Variants in SH2D4B observed in about 807,000 individuals in gnomAD.
SH2D4B encodes SH2 domain-containing protein 4B.
In SH2D4B, 45 loss-of-function variants were observed where a neutral mutation model predicts 61.5. The observed-to-expected ratio is 0.73, with a 90% CI of 0.58 to 0.94. The LOEUF is 0.94. Among genes scored for constraint, SH2D4B ranks in the 40% least tolerant of loss-of-function variants. SH2D4B has a pLI of 0.00. For missense variants in SH2D4B, 572 were observed against 574.2 expected, an observed-to-expected ratio of 1.00 and a Z score of 0.04; for synonymous variants, 224 against 220.4, an observed-to-expected ratio of 1.02 and a Z score of -0.14.
At chr10:80,557,353 G>A (rs980680518) in intron 1 of SH2D4B, among the ~76,000 whole-genome samples, 3 of 152,034 alleles carry the variant, frequency 2.0e-5, no homozygotes, top group Non-Finnish European at 4.4e-5. Context: ...CTTGAAATGT[G>A]TTTAGTTTAA....
At chr10:80,574,491 A>T (rs533504620) in intron 3 of SH2D4B, among the ~76,000 whole-genome samples, 1 of 152,242 alleles carries the variant, frequency 6.6e-6, no homozygotes, top group East Asian at 1.9e-4. Flanking sequence ...GCTATTGTGA[A>T]TAAGATTGTA....
chr10:80,609,447 G>A lies in SH2D4B; in HGVS notation c.884G>A (p.Arg295His), dbSNP rs773391724. The change falls in exon 6 of 8, where the codon CGC becomes CAC. Residue 295 changes from arginine (R) to histidine (H), a missense_variant. By Grantham distance (29) the Arg-to-His change is conservative (BLOSUM62 0). Transcript: ENST00000646907. ...PVSRTWERPL[R>H]PVSRDVIVRW... Reference sequence around the variant, plus strand: ...AGCAGGACCTGGGAGCGCCCGCTGCGCCCAGTCTCCAGAGATGTCATCGTC... The same window carrying A: ...AGCAGGACCTGGGAGCGCCCGCTGCACCCAGTCTCCAGAGATGTCATCGTC... The A allele has an allele frequency of 2.2e-5, 35 of 1,613,814 alleles. No individual in the cohort carries two copies. The highest frequency in any genetic ancestry group is 2.0e-5 in the Non-Finnish European group (24 of 1,179,948).
At position 80,644,148 on chromosome 10, in the gene SH2D4B, C is replaced by G. The variant is rs553484042; in HGVS notation, c.*63C>G. 7.5e-7 allele frequency: 1 copy of G among 1,337,536 alleles called. No individual in the cohort carries two copies. The highest frequency in any genetic ancestry group is 1.4e-5 in the African/African-American group (1 of 69,018). The allele number at this position is 1,337,536 out of a possible 1,614,324, so 82.9% of individuals were successfully genotyped here. ...GTTTTTGAACTCAGCTTAAGAACTT[C>G]TCATCTCAAATCCTATGGCCTTCTG... is the stretch of plus-strand genomic sequence containing the variant. On this transcript the variant is annotated 3_prime_UTR_variant, in exon 8 of 8. Transcript: ENST00000646907.
rs776567930 is a variant in SH2D4B, at chr10:80,603,660, G to A, written c.725G>A (p.Arg242His). Residue 242 changes from arginine to histidine, a missense_variant, in exon 5 of 8, where the codon CGT becomes CAT. Physicochemically the swap from Arg to His is conservative, Grantham distance 29. Transcript: ENST00000646907. ...ARDEYRHHSL[R>H]AIQKGTVAGL... is the part of the protein sequence containing the mutation. The stretch of plus-strand genomic sequence containing the variant: ...GACGAGTACCGACACCACTCGCTCC[G>A]TGCTATCCAGAAGGGCACGGTCGCT... 2.4e-5 allele frequency: 38 copies of A among 1,607,998 alleles called. No homozygotes were observed. Among genetic ancestry groups the A allele is most frequent in the Middle Eastern group, 1.7e-4 (1 of 5,944 alleles).
At chr10:80,623,769 C>A (rs1842743017) in intron 6 of SH2D4B, among the ~76,000 whole-genome samples, 4 of 152,200 alleles carry the variant, frequency 2.6e-5, no homozygotes, top group Admixed American at 2.6e-4. Context: ...GCTCACTGAG[C>A]ATCATGCCAT....
At chr10:80,576,225 G>A (rs1842123595) in intron 3 of SH2D4B, among the ~76,000 whole-genome samples, 1 of 152,240 alleles carries the variant, frequency 6.6e-6, no homozygotes, top group Admixed American at 6.5e-5. Context: ...TGGGGCTCAT[G>A]AAGGATCACT....
chr10:80,590,055 G>C (rs554065255), intron 4 of SH2D4B, among the ~76,000 whole-genome samples: 1 of 152,198 alleles, frequency 6.6e-6, no homozygotes, highest in Non-Finnish European at 1.5e-5. Flanking sequence ...CTAGAGACAG[G>C]AGGCACGGCA....
intron 6 of SH2D4B, among the ~76,000 whole-genome samples, chr10:80,630,289 A>G (rs550288624): frequency 2.0e-5 from 3 of 152,274 alleles, no homozygotes; most frequent in Non-Finnish European, 2.9e-5. Flanking sequence ...CCTAGGGAGA[A>G]CATGACCCCA....
At chr10:80,565,959 T>C (rs541372501) in intron 1 of SH2D4B, among the ~76,000 whole-genome samples, 3 of 151,748 alleles carry the variant, frequency 2.0e-5, no homozygotes, top group East Asian at 3.9e-4. Flanking sequence ...GGCGTGGTGT[T>C]GGGCGCCTAT....
chr10:80,545,540 CG>C (rs1381473313), intron 1 of SH2D4B, among the ~76,000 whole-genome samples: 13 of 151,742 alleles, frequency 8.6e-5, no homozygotes, highest in African/African-American at 2.9e-4. Context: ...TCCTCTTCTC[CG>C]CTTTCTTCTA....
chr10:80,610,953 T>G (rs567372472), intron 6 of SH2D4B, among the ~76,000 whole-genome samples: 50 of 152,080 alleles, frequency 3.3e-4, no homozygotes, highest in African/African-American at 1.2e-3. Context: ...GGAGGATCAC[T>G]TGAGGTCAGG....
chr10:80,559,547 T>C (rs2132111320), intron 1 of SH2D4B, among the ~76,000 whole-genome samples: 1 of 152,330 alleles, frequency 6.6e-6, no homozygotes, highest in Admixed American at 6.5e-5. Context: ...AATATAGACT[T>C]TGTCCATAAG....
At chr10:80,595,162 C>G (rs1362614027) in intron 4 of SH2D4B, among the ~76,000 whole-genome samples, 3 of 152,200 alleles carry the variant, frequency 2.0e-5, no homozygotes, top group Non-Finnish European at 2.9e-5. Flanking sequence ...TTTCTTAGGT[C>G]TCTTGGGCCC....
At chr10:80,603,430 G>A (rs1842474883) in intron 4 of SH2D4B, 149 bp from the exon 5 acceptor site, 1 of 694,764 alleles carries the variant, frequency 1.4e-6, no homozygotes, top group Non-Finnish European at 2.3e-6. Context: ...TGAGGTTCCT[G>A]GACTATTAGG....
chr10:80,610,197 C>A (rs1308277919), intron 6 of SH2D4B, among the ~76,000 whole-genome samples: 1 of 152,168 alleles, frequency 6.6e-6, no homozygotes, highest in African/African-American at 2.4e-5. Flanking sequence ...TCTCAAACAT[C>A]CCCTCCTCAG....
chr10:80,587,578 T>A (rs773014968), intron 3 of SH2D4B, among the ~76,000 whole-genome samples: 9 of 149,240 alleles, frequency 6.0e-5, no homozygotes, highest in Non-Finnish European at 8.9e-5. Context: ...GACGCCCAGC[T>A]TTTTTTTTTC....
chr10:80,549,964 T>G (rs1395449271), intron 1 of SH2D4B, among the ~76,000 whole-genome samples: 1 of 152,074 alleles, frequency 6.6e-6, no homozygotes, highest in Non-Finnish European at 1.5e-5. Context: ...AGATTAATAT[T>G]TAATTAATTT....
At position 80,634,430 on chromosome 10, in the gene SH2D4B, T is replaced by C. The variant is rs1476943031; in HGVS notation, c.1134T>C (p.Ser378=). ...KGFKHFLVDA[S]GDFYSFLGVD... ...TCAAACACTTTCTTGTGGATGCTTCTGGGGATTTTTACAGCTTCCTGGGAG... is the reference window on the plus strand; with the variant it reads ...TCAAACACTTTCTTGTGGATGCTTCCGGGGATTTTTACAGCTTCCTGGGAG... Residue 378 remains serine, a synonymous_variant, in exon 7 of 8, where the codon TCT becomes TCC. Transcript: ENST00000646907. 1.9e-6 allele frequency: 3 copies of C among 1,550,426 alleles called. No individual in the cohort carries two copies. Among genetic ancestry groups the C allele is most frequent in the Non-Finnish European group, 1.7e-6 (2 of 1,146,986 alleles).
At chr10:80,643,320 T>C (rs1448879088) in intron 7 of SH2D4B, among the ~76,000 whole-genome samples, 2 of 151,978 alleles carry the variant, frequency 1.3e-5, no homozygotes, top group Non-Finnish European at 2.9e-5. Context: ...GAGAGATTAA[T>C]GCACATCTCT....
Sources: gnomAD v4.1 joint callset for allele counts (sites outside exome capture counted in the v4.1 genomes callset) on GRCh38, gnomAD v4.1.1 for gene constraint, MANE v1.5 for transcripts, NCBI Gene and HGNC (gene_info 2026-07-23, HGNC 2026-07-21) for gene names.